ABCA10: variants seen among roughly 807,000 people sequenced by gnomAD.
ABCA10 encodes the protein ATP-binding cassette sub-family A member 10.
Under a neutral mutation model 187.5 loss-of-function variants are expected in ABCA10, and 169 were observed. That is an observed-to-expected ratio of 0.90 (90% CI 0.80 to 1.02). The LOEUF (loss-of-function observed/expected upper bound fraction) is 1.02. ABCA10 is among the 50% of genes least tolerant of loss of function. ABCA10 has a pLI of 0.00. For missense variants in ABCA10, 1,727 were observed against 1,812.4 expected (o/e 0.95, Z 0.86); for synonymous variants, 574 against 601.8 (o/e 0.95, Z 0.68).
At chr17:69,200,990 G>A (rs2074539552) in intron 10 of ABCA10, among the ~76,000 whole-genome samples, 1 of 152,186 alleles carries the variant, frequency 6.6e-6, no homozygotes, top group East Asian at 1.9e-4. Context: ...TGGGATTACA[G>A]GTGTGAGCCC....
At chr17:69,231,624 G>T (rs1157683601), upstream of ABCA10, among the ~76,000 whole-genome samples, 1 of 152,076 alleles carries the variant, frequency 6.6e-6, no homozygotes, top group African/African-American at 2.4e-5. Context: ...ATTGTGGTCA[G>T]AAAAGCTACT....
chr17:69,201,002 T>C (rs993969880), intron 10 of ABCA10, among the ~76,000 whole-genome samples: 2 of 152,216 alleles, frequency 1.3e-5, no homozygotes, highest in African/African-American at 4.8e-5. Flanking sequence ...TGTGAGCCCC[T>C]GCACCTGGCC....
At chr17:69,155,969 A>T in intron 28 of ABCA10, 44 bp from the exon 29 acceptor site, 1 of 1,582,654 alleles carries the variant, frequency 6.3e-7, no homozygotes. Flanking sequence ...TTTTGGCTGT[A>T]CAACTGTTAA....
At chr17:69,216,906 C>T (rs964279925) in intron 6 of ABCA10, among the ~76,000 whole-genome samples, 2 of 151,962 alleles carry the variant, frequency 1.3e-5, no homozygotes, top group African/African-American at 4.8e-5. Flanking sequence ...TTTTAAGAAT[C>T]AGAATACCAT....
intron 25 of ABCA10, among the ~76,000 whole-genome samples, chr17:69,166,430 T>C (rs1265279263): frequency 6.6e-6 from 1 of 152,030 alleles, no homozygotes; most frequent in Non-Finnish European, 1.5e-5. Context: ...ATAAATCCAG[T>C]GTAAGGACCA....
At chr17:69,231,055 A>G (rs2074828881), upstream of ABCA10, among the ~76,000 whole-genome samples, 1 of 152,098 alleles carries the variant, frequency 6.6e-6, no homozygotes. Context: ...CTGCCATAAC[A>G]AAGTACCACA....
At chr17:69,186,470 C>T (rs745584211) in intron 19 of ABCA10, among the ~76,000 whole-genome samples, 14 of 152,140 alleles carry the variant, frequency 9.2e-5, no homozygotes, top group Non-Finnish European at 1.6e-4. Flanking sequence ...CTCCACCCTC[C>T]GTCTATCTCT....
intron 1 of ABCA10, among the ~76,000 whole-genome samples, chr17:69,239,142 G>A (rs1379352646): frequency 6.6e-6 from 1 of 152,148 alleles, no homozygotes; most frequent in African/African-American, 2.4e-5. Context: ...AGGAGAGTGG[G>A]AGTAGGGAGG....
chr17:69,168,157 AAT>A lies in ABCA10; in HGVS notation c.3163-3076_3163-3075del, dbSNP rs925705624. 7.2e-5 allele frequency among the ~76,000 whole-genome samples: 11 copies of A among 152,126 alleles called. No homozygotes were observed. In the East Asian group the frequency reaches 2.1e-3, roughly 29 times the overall value. On this transcript the variant is annotated intron_variant, in intron 25 of 38. Coordinates refer to ENST00000690296, the MANE Select transcript of ABCA10 (RefSeq NM_001377321.1). ...ACTTTATTGTGAGAATACAGTATAT[AAT>A]ATATATATACAAAATACACGTTAAG...
rs2074389475 is a variant in ABCA10, at chr17:69,182,674, C to G, written c.2631+1G>C. 1 of 1,591,516 alleles carries G rather than the reference C, an allele frequency of 6.3e-7. No individual in the cohort carries two copies. Among genetic ancestry groups the G allele is most frequent in the South Asian group, 1.1e-5 (1 of 87,026 alleles). ...AAAACAGTGCATAGAAGCAAACATA[C>G]CTTCTGGTCACCAGACACTATGATG... On this transcript the variant is annotated splice_donor_variant, in intron 21 of 38. Coordinates refer to ENST00000690296, the MANE Select transcript of ABCA10 (RefSeq NM_001377321.1). LOFTEE classifies it high-confidence loss of function.
At chr17:69,194,537 T>C in intron 11 of ABCA10, 42 bp from the exon 12 acceptor site, 5 of 1,460,804 alleles carry the variant, frequency 3.4e-6, no homozygotes, top group Non-Finnish European at 4.7e-6. Flanking sequence ...TTGGATTATA[T>C]GCAGATGGAA....
chr17:69,186,843 A>G (rs1349281534), intron 19 of ABCA10, among the ~76,000 whole-genome samples: 1 of 152,076 alleles, frequency 6.6e-6, no homozygotes, highest in Non-Finnish European at 1.5e-5. Context: ...AGTATTTTTC[A>G]TCTTTTCCAC....
chr17:69,166,959 G>A (rs773316635), intron 25 of ABCA10, among the ~76,000 whole-genome samples: 2 of 152,124 alleles, frequency 1.3e-5, no homozygotes, highest in Non-Finnish European at 1.5e-5. Context: ...GATCAGTACT[G>A]CCATTATCTA....
Position 69,217,542 on chromosome 17 carries a change from C to T in ABCA10, c.531-1184G>A, listed in dbSNP as rs9891749. 9.1e-3 allele frequency among the ~76,000 whole-genome samples: 1,379 copies of T among 152,224 alleles called. 20 individuals are homozygous for T. The highest frequency in any genetic ancestry group is 0.032 in the African/African-American group (1,328 of 41,540). On this transcript the variant is annotated intron_variant, in intron 6 of 38. Transcript: ENST00000690296. The stretch of plus-strand genomic sequence containing the variant: ...TCCAAAGGCTGAAGAATTAAACAAA[C>T]AGAAATACATCCATGCCATGGAATA...
At chr17:69,182,631 A>C (rs558709360) in intron 21 of ABCA10, 44 bp downstream of exon 21, 50 of 1,529,992 alleles carry the variant, frequency 3.3e-5, no homozygotes, top group African/African-American at 5.6e-5. Flanking sequence ...GGCAAAAAAA[A>C]CAAAAAAAAA....
intron 11 of ABCA10, among the ~76,000 whole-genome samples, chr17:69,195,895 C>T (rs147222331): frequency 3.3e-5 from 5 of 151,902 alleles, no homozygotes; most frequent in East Asian, 1.9e-4. Context: ...ATAGATTAAC[C>T]GCATCCCAAG....
chr17:69,174,885 C>A, intron 23 of ABCA10, 108 bp from the exon 24 acceptor site: 1 of 961,294 alleles, frequency 1.0e-6, no homozygotes, highest in Non-Finnish European at 1.4e-6. Flanking sequence ...GTTATAGTGT[C>A]TGTGTGACAA....
chr17:69,239,443 T>A (rs887518235), intron 1 of ABCA10, among the ~76,000 whole-genome samples: 4 of 152,222 alleles, frequency 2.6e-5, no homozygotes. Context: ...CCTGTTATCA[T>A]GTGTTGGCTA....
chr17:69,214,820 A>C lies in ABCA10; in HGVS notation c.890T>G (p.Val297Gly). ...ATCCCCAGAGGGATCAGGAAAAATA[A>C]CACCACTTAAGTAATTATCCAGGTG... ...ITHLDNYLSG[V>G]IFPDPSGDSY... The change falls in exon 9 of 39, where the codon GTT (valine) becomes GGT (glycine). Residue 297 changes from valine (V) to glycine (G), a missense_variant. Physicochemically the swap from Val to Gly is moderately radical, Grantham distance 109. Transcript: ENST00000690296. 2 of 1,505,586 alleles carry C rather than the reference A, an allele frequency of 1.3e-6. No homozygotes were observed. Among genetic ancestry groups the C allele is most frequent in the African/African-American group, 1.5e-5 (1 of 67,984 alleles). The allele number at this position is 1,505,586 out of a possible 1,614,324, so 93.3% of individuals were successfully genotyped here.
Sources: allele counts gnomAD v4.1 joint callset (sites outside exome capture counted in the v4.1 genomes callset), GRCh38; gene constraint gnomAD v4.1.1; transcripts MANE v1.5; gene names NCBI Gene and HGNC (gene_info 2026-07-23, HGNC 2026-07-21).